The following CPAMD8 variants were observed in gnomAD, a reference collection of about 807,000 sequenced individuals.
The protein encoded by CPAMD8 is C3 and PZP like alpha-2-macroglobulin domain containing 8.
A neutral mutation model predicts 224.7 loss-of-function variants in CPAMD8; 146 were observed. The observed-to-expected ratio is 0.65, with a 90% confidence interval of 0.57 to 0.75. The LOEUF is 0.75. Ranked by LOEUF, CPAMD8 falls within the 30% of genes least tolerant of loss-of-function variation. The probability of loss-of-function intolerance (pLI) is 0.00; values close to 1 mark genes in which losing one functional copy is unlikely to be tolerated. For missense variants in CPAMD8, 2,301 were observed against 2,537.5 expected, an observed-to-expected ratio of 0.91 and a Z score of 2.00; for synonymous variants, 966 against 1,044.6, an observed-to-expected ratio of 0.92 and a Z score of 1.45.
At chr19:16,906,374 CTTTCTTT>C (rs1255033273) in intron 30 of CPAMD8, among the ~76,000 whole-genome samples, 3 of 93,704 alleles carry the variant, frequency 3.2e-5, no homozygotes, top group African/African-American at 1.4e-4. Flanking sequence ...TTCTTTCTTT[CTTTCTTT>C]CTTTCTTTCT....
intron 29 of CPAMD8, among the ~76,000 whole-genome samples, chr19:16,913,660 T>C (rs1220303677): frequency 6.6e-6 from 1 of 152,094 alleles, no homozygotes; most frequent in African/African-American, 2.4e-5. Flanking sequence ...GCATAAGAAT[T>C]TGGTCAGGGG....
Position 16,989,855 on chromosome 19 carries a change from A to G in CPAMD8, c.1267-84T>C, listed in dbSNP as rs1454327840. On this transcript the variant is annotated intron_variant, in intron 12 of 41. Coordinates refer to ENST00000443236, the MANE Select transcript of CPAMD8 (RefSeq NM_015692.5). ...GGGGATGCTTCTGCTTGCTCTGCCC[A>G]GAAGAAACACCCTCTCATGCTCCAA... The G allele has an allele frequency of 3.1e-6, 4 of 1,307,318 alleles. No individual in the cohort carries two copies. The African/African-American group carries it at 4.4e-5, about 15-fold the overall frequency. The allele number at this position is 1,307,318 out of a possible 1,614,324, so 81.0% of individuals were successfully genotyped here.
intron 19 of CPAMD8, 49 bp from the exon 20 acceptor site, chr19:16,952,249 G>A: frequency 9.3e-7 from 1 of 1,071,854 alleles, no homozygotes; most frequent in Non-Finnish European, 1.4e-6. Flanking sequence ...CCAGGGCCAT[G>A]CCTCAGGGGG....
intron 26 of CPAMD8, 55 bp downstream of exon 26, chr19:16,925,141 G>A: frequency 6.3e-7 from 1 of 1,595,450 alleles, no homozygotes; most frequent in South Asian, 1.1e-5. Context: ...CTCCACTGAA[G>A]GCTGAACCTG....
chr19:16,998,846 A>G (rs2056218074), intron 10 of CPAMD8, among the ~76,000 whole-genome samples: 1 of 152,220 alleles, frequency 6.6e-6, no homozygotes, highest in Non-Finnish European at 1.5e-5. Context: ...CAAGAGAAAC[A>G]AAAATGTAGG....
intron 14 of CPAMD8, among the ~76,000 whole-genome samples, chr19:16,979,922 C>T (rs984740926): frequency 2.6e-5 from 4 of 151,972 alleles, no homozygotes; most frequent in African/African-American, 9.7e-5. Context: ...TATCTGGAGA[C>T]TCTTTAGGTC....
chr19:16,905,569 GAAAAAAAA>G (rs397955787), intron 30 of CPAMD8, among the ~76,000 whole-genome samples: 6 of 92,736 alleles, frequency 6.5e-5, no homozygotes, highest in East Asian at 6.5e-4. Context: ...AGGAAGAAAA[GAAAAAAAA>G]AAAAAAAAAG....
rs2054128632 is a variant in CPAMD8, at chr19:16,947,105, G to C, written c.2631C>G (p.Ser877=). The C allele has an allele frequency of 1.2e-6, 2 of 1,612,930 alleles. No homozygotes were observed. Among genetic ancestry groups the C allele is most frequent in the African/African-American group, 2.7e-5 (2 of 74,906 alleles). Residue 877 remains serine, a synonymous_variant, in exon 21 of 42, where the codon TCC becomes TCG. Transcript: ENST00000443236. ...GEAEPIWVVL[S]FSDLGLNNIT... is the part of the protein sequence containing the mutation. ...TGTTGTTGAGTCCCAGGTCGCTGAA[G>C]GACAGAACGACCCAGATGGGCTCAG... is the stretch of plus-strand genomic sequence containing the variant.
intron 27 of CPAMD8, among the ~76,000 whole-genome samples, chr19:16,917,707 C>T (rs2053013814): frequency 6.6e-6 from 1 of 152,152 alleles, no homozygotes; most frequent in Non-Finnish European, 1.5e-5. Flanking sequence ...TGCCACCGCA[C>T]TCTAGCCTGG....
At chr19:16,919,664 T>G (rs2053094359) in intron 27 of CPAMD8, among the ~76,000 whole-genome samples, 1 of 152,244 alleles carries the variant, frequency 6.6e-6, no homozygotes, top group Non-Finnish European at 1.5e-5. Context: ...CTATTGCATC[T>G]CTCACAGGGT....
In CPAMD8 at chr19:16,898,028, G is replaced by C. The variant is rs1177448522; in HGVS notation, c.4849-34C>G. 8 of 1,527,044 alleles carry C rather than the reference G, an allele frequency of 5.2e-6. No individual in the cohort carries two copies. Among genetic ancestry groups the C allele is most frequent in the Non-Finnish European group, 7.1e-6 (8 of 1,122,300 alleles). 94.6% of individuals were successfully genotyped at this position (1,527,044 alleles called of 1,614,324 possible). ...CAGCGGCGGGCGCAGGCTCGACCCGGGCCAGGAGGCCCGGGGCGCTGAGCT... is the reference window on the plus strand; with the variant it reads ...CAGCGGCGGGCGCAGGCTCGACCCGCGCCAGGAGGCCCGGGGCGCTGAGCT... On this transcript the variant is annotated intron_variant, in intron 37 of 41. Coordinates refer to ENST00000443236, the MANE Select transcript of CPAMD8 (RefSeq NM_015692.5). The surrounding 1 kb of genome is among the most constrained non-coding windows in gnomAD (Gnocchi z 4.2).
chr19:16,908,664 C>G (rs2052612334), intron 29 of CPAMD8, among the ~76,000 whole-genome samples: 1 of 152,222 alleles, frequency 6.6e-6, no homozygotes, highest in Non-Finnish European at 1.5e-5. Context: ...TGAGCTAACT[C>G]TGCTTTCGGA....
At chr19:16,921,582 C>T (rs1357364570) in intron 27 of CPAMD8, among the ~76,000 whole-genome samples, 4 of 152,124 alleles carry the variant, frequency 2.6e-5, no homozygotes, top group East Asian at 1.9e-4. Context: ...CTCCAGTCAC[C>T]GCTATTCCTG....
chr19:16,903,753 C>T lies in CPAMD8; in HGVS notation c.4356G>A (p.Gln1452=), dbSNP rs997298650. The change falls in exon 33 of 42, where the codon CAG becomes CAA. Residue 1452 remains glutamine, a synonymous_variant. Transcript: ENST00000443236. ...TGGTCCTGTGCAGCTCGAAGGTTTCCTGGTAGTCCAGGTTGGTGGAGGCCA... is the reference window on the plus strand; with the variant it reads ...TGGTCCTGTGCAGCTCGAAGGTTTCTTGGTAGTCCAGGTTGGTGGAGGCCA... ...VSLASTNLDY[Q]ETFELHRTNQ... is the part of the protein sequence containing the mutation. 22 of 1,614,078 alleles carry T rather than the reference C, an allele frequency of 1.4e-5. No individual in the cohort carries two copies. Among genetic ancestry groups the T allele is most frequent in the Non-Finnish European group, 1.7e-5 (20 of 1,180,042 alleles).
intron 3 of CPAMD8, among the ~76,000 whole-genome samples, chr19:17,017,908 C>G (rs968187648): frequency 6.6e-6 from 1 of 151,984 alleles, no homozygotes; most frequent in Non-Finnish European, 1.5e-5. Flanking sequence ...TGGTGCACAC[C>G]TGTAATCCCA....
chr19:16,975,140 G>C lies in CPAMD8; in HGVS notation c.2027C>G (p.Pro676Arg). 6.2e-7 allele frequency: 1 copy of C among 1,612,516 alleles called. No homozygotes were observed. Residue 676 changes from proline to arginine, a missense_variant, in exon 17 of 42, where the codon CCG becomes CGG. Physicochemically the swap from Pro to Arg is moderately radical, Grantham distance 103. Transcript: ENST00000443236. The stretch of plus-strand genomic sequence containing the variant: ...GTCCTTGGTGATGCCCCAAGGCCAC[G>C]GGAAGACAGAGGAGCGCCGGCGTCG... ...AQRRRRSSVF[P>R]WPWGITKDSG...
intron 24 of CPAMD8, 131 bp from the exon 25 acceptor site, chr19:16,928,365 G>C: frequency 1.5e-6 from 1 of 671,218 alleles, no homozygotes. Flanking sequence ...AAGGGTCTTC[G>C]GGGAGTCAGA....
intron 34 of CPAMD8, among the ~76,000 whole-genome samples, chr19:16,903,106 A>G (rs1362847408): frequency 6.6e-6 from 1 of 152,042 alleles, no homozygotes; most frequent in Non-Finnish European, 1.5e-5. Context: ...GCTATGTCTG[A>G]GTCTAGGGGT....
rs568035084 is a variant in CPAMD8 at position 17,026,317 on chromosome 19, C to A, written c.92+234G>T. 1.4e-3 allele frequency among the ~76,000 whole-genome samples: 211 copies of A among 152,252 alleles called. 1 individual carries two copies. The highest frequency in any genetic ancestry group is 1.8e-3 in the Non-Finnish European group (119 of 68,000). On this transcript the variant is annotated intron_variant, in intron 1 of 41. Transcript: ENST00000443236. ...GTCACACGAAGGGGGCGAGGTGGGG[C>A]GGGGGGAGCTGACCTCAGCACCTTT...
Sources: allele counts gnomAD v4.1 joint callset (sites outside exome capture counted in the v4.1 genomes callset), GRCh38; gene constraint gnomAD v4.1.1; non-coding constraint Gnocchi (gnomAD v3.1); transcripts MANE v1.5; gene names NCBI Gene and HGNC (gene_info 2026-07-23, HGNC 2026-07-21).